The following HTR1E variants were observed in gnomAD, a reference collection of about 807,000 sequenced individuals.
HTR1E encodes 5-hydroxytryptamine receptor 1E.
Under a neutral mutation model 3.4 loss-of-function variants are expected in HTR1E, and 3 were observed. That is an observed-to-expected ratio of 0.89 (90% CI 0.41 to 2.31). The LOEUF (loss-of-function observed/expected upper bound fraction) is 2.31, where lower values mean the gene tolerates loss of function less well. Ranked by LOEUF, HTR1E falls within the 30% of genes most tolerant of loss-of-function variation. The probability of loss-of-function intolerance (pLI) is 0.05; values close to 1 mark genes in which losing one functional copy is unlikely to be tolerated. For synonymous variants in HTR1E, 170 were observed against 182.8 expected (o/e 0.93, Z 0.56); for missense variants, 392 against 467.0 (o/e 0.84, Z 1.48).
Position 87,016,078 on chromosome 6 carries a change from C to T in HTR1E, c.744C>T (p.Ser248=). 1 of 1,614,132 alleles carries T rather than the reference C, an allele frequency of 6.2e-7. No homozygotes were observed. The highest frequency in any genetic ancestry group is 8.5e-7 in the Non-Finnish European group (1 of 1,180,006). Residue 248 remains serine (S), a synonymous_variant, in exon 2 of 2, where the codon TCC becomes TCT. Coordinates refer to ENST00000305344, the MANE Select transcript of HTR1E (RefSeq NM_000865.3). Reference sequence around the variant, plus strand: ...AGACTTTCTGTGTGTCTGACTTCTCCACCTCAGACCCTACCACAGAGTTTG... The same window carrying T: ...AGACTTTCTGTGTGTCTGACTTCTCTACCTCAGACCCTACCACAGAGTTTG... ...LTQTFCVSDF[S]TSDPTTEFEK...
At chr6:86,966,921 C>A (rs1210586852) in intron 1 of HTR1E, among the ~76,000 whole-genome samples, 1 of 152,002 alleles carries the variant, frequency 6.6e-6, no homozygotes, top group Non-Finnish European at 1.5e-5. Flanking sequence ...GTTTATTGAA[C>A]AGATATAATT....
chr6:86,963,133 A>G (rs1767430745), intron 1 of HTR1E, among the ~76,000 whole-genome samples: 1 of 152,216 alleles, frequency 6.6e-6, no homozygotes, highest in South Asian at 2.1e-4. Flanking sequence ...GAAGACAGTG[A>G]TATTGATCAT....
chr6:86,958,061 T>A (rs905246751), intron 1 of HTR1E, among the ~76,000 whole-genome samples: 4 of 150,670 alleles, frequency 2.7e-5, no homozygotes, highest in Non-Finnish European at 4.4e-5. Context: ...AGAGGCATTT[T>A]TTTTTTTTTT....
intron 1 of HTR1E, among the ~76,000 whole-genome samples, chr6:87,009,906 G>A (rs1471993127): frequency 3.4e-5 from 4 of 116,286 alleles, no homozygotes; most frequent in East Asian, 3.2e-4. Flanking sequence ...CCTCCCTCCC[G>A]GACGGGGCGG....
chr6:86,983,781 A>T (rs1767746814), intron 1 of HTR1E, among the ~76,000 whole-genome samples: 1 of 152,156 alleles, frequency 6.6e-6, no homozygotes, highest in Non-Finnish European at 1.5e-5. Flanking sequence ...GTACCCCATA[A>T]ATATGTACAA....
chr6:86,977,811 G>C (rs188084874), intron 1 of HTR1E, among the ~76,000 whole-genome samples: 1 of 152,136 alleles, frequency 6.6e-6, no homozygotes, highest in Non-Finnish European at 1.5e-5. Context: ...CTGATGATTA[G>C]TGATGTGGAG....
At chr6:86,974,728 A>G (rs1317706935) in intron 1 of HTR1E, among the ~76,000 whole-genome samples, 1 of 152,130 alleles carries the variant, frequency 6.6e-6, no homozygotes, top group Non-Finnish European at 1.5e-5. Context: ...TATATTTTGA[A>G]ACTTTTAACT....
At chr6:86,950,456 A>G (rs1431449522) in intron 1 of HTR1E, among the ~76,000 whole-genome samples, 2 of 152,160 alleles carry the variant, frequency 1.3e-5, no homozygotes, top group Non-Finnish European at 2.9e-5. Flanking sequence ...TGGAGCAGTT[A>G]GGTTGGAATT....
At chr6:86,991,996 T>C (rs1018184855) in intron 1 of HTR1E, among the ~76,000 whole-genome samples, 5 of 152,140 alleles carry the variant, frequency 3.3e-5, no homozygotes, top group Non-Finnish European at 5.9e-5. Context: ...TCTGCCACCC[T>C]GCCTTCTAAA....
chr6:86,954,271 C>A (rs1457811043), intron 1 of HTR1E, among the ~76,000 whole-genome samples: 1 of 152,176 alleles, frequency 6.6e-6, no homozygotes, highest in Non-Finnish European at 1.5e-5. Flanking sequence ...GTCTGCCTCT[C>A]ATCATATGGC....
At chr6:87,004,754 A>C (rs564555847) in intron 1 of HTR1E, among the ~76,000 whole-genome samples, 1 of 152,070 alleles carries the variant, frequency 6.6e-6, no homozygotes, top group Admixed American at 6.5e-5. Flanking sequence ...GCAATCAGAC[A>C]AAAGAAAGAA....
chr6:86,991,239 T>C (rs1767866635), intron 1 of HTR1E, among the ~76,000 whole-genome samples: 1 of 152,144 alleles, frequency 6.6e-6, no homozygotes, highest in Admixed American at 6.6e-5. Flanking sequence ...AAATACAATG[T>C]GGTGTCCTGA....
chr6:86,964,784 G>T (rs1220665779), intron 1 of HTR1E, among the ~76,000 whole-genome samples: 1 of 151,928 alleles, frequency 6.6e-6, no homozygotes, highest in African/African-American at 2.4e-5. Flanking sequence ...AATTCTTAAG[G>T]TTCCTTATAT....
chr6:87,010,293 GGC>G (rs1768193801), intron 1 of HTR1E, among the ~76,000 whole-genome samples: 1 of 116,894 alleles, frequency 8.6e-6, no homozygotes, highest in Non-Finnish European at 1.7e-5. Flanking sequence ...TCCCGGACGG[GGC>G]GGCTGGCCGG....
chr6:86,999,213 C>T (rs769424612), intron 1 of HTR1E, among the ~76,000 whole-genome samples: 2 of 152,102 alleles, frequency 1.3e-5, no homozygotes, highest in African/African-American at 4.8e-5. Flanking sequence ...CTGCCCACCT[C>T]GGCCTCCCAA....
At chr6:87,012,304 A>C (rs1768250226) in intron 1 of HTR1E, among the ~76,000 whole-genome samples, 1 of 152,244 alleles carries the variant, frequency 6.6e-6, no homozygotes. Flanking sequence ...AGCAGCAATT[A>C]GGTTGACACA....
intron 1 of HTR1E, among the ~76,000 whole-genome samples, chr6:86,971,796 C>T (rs1379439924): frequency 6.6e-6 from 1 of 152,118 alleles, no homozygotes; most frequent in Non-Finnish European, 1.5e-5. Flanking sequence ...GAGATTCCAT[C>T]GCCCAAGTAG....
chr6:86,990,650 T>A (rs1408716174), intron 1 of HTR1E, among the ~76,000 whole-genome samples: 1 of 152,170 alleles, frequency 6.6e-6, no homozygotes, highest in East Asian at 1.9e-4. Context: ...GCATCAATAG[T>A]GTATTTATAA....
At chr6:86,939,774 A>G (rs925185207) in intron 1 of HTR1E, among the ~76,000 whole-genome samples, 1 of 152,250 alleles carries the variant, frequency 6.6e-6, no homozygotes, top group Non-Finnish European at 1.5e-5. Context: ...CTCTTCTGCC[A>G]TAATGACTTC....
Sources: allele counts gnomAD v4.1 joint callset (sites outside exome capture counted in the v4.1 genomes callset), GRCh38; gene constraint gnomAD v4.1.1; transcripts MANE v1.5; gene names NCBI Gene and HGNC (gene_info 2026-07-23, HGNC 2026-07-21).